Variants in PTPRN2 observed in about 807,000 individuals in gnomAD.
PTPRN2 encodes the protein receptor-type tyrosine-protein phosphatase N2.
Under a neutral mutation model 118.8 loss-of-function variants are expected in PTPRN2, and 74 were observed. The ratio of observed to expected loss-of-function variants is 0.62; its 90% CI spans 0.52 to 0.76. The LOEUF is 0.76. PTPRN2 is among the 30% of genes least tolerant of loss of function. The pLI, the probability that PTPRN2 is intolerant of heterozygous loss-of-function variation, is 0.00. For synonymous variants in PTPRN2, 641 were observed against 608.0 expected (o/e 1.05, Z -0.80); for missense variants, 1,481 against 1,394.4 (o/e 1.06, Z -0.99).
intron 2 of PTPRN2, among the ~76,000 whole-genome samples, chr7:158,408,963 T>C (rs1813804290): frequency 1.3e-5 from 2 of 150,608 alleles, no homozygotes; most frequent in Non-Finnish European, 2.9e-5. Flanking sequence ...CCATATTTGC[T>C]ATACATTCTA....
chr7:157,995,265 A>AAAATCAACGCCGTGTCCCCAGCTTACAG (rs1804634153), intron 11 of PTPRN2, among the ~76,000 whole-genome samples: 1 of 128,566 alleles, frequency 7.8e-6, no homozygotes, highest in African/African-American at 3.0e-5. Flanking sequence ...CCAGCTTACA[A>AAAATCAACGCCGTGTCCCCAGCTTACAG]CTCCTTGTTC....
At chr7:158,087,666 A>AAAG (rs1174723260) in intron 10 of PTPRN2, among the ~76,000 whole-genome samples, 25 of 145,954 alleles carry the variant, frequency 1.7e-4, no homozygotes, top group Non-Finnish European at 3.4e-4. Flanking sequence ...TCCCCTGATG[A>AAAG]AGGAGGGAGT....
chr7:158,503,583 C>T (rs1039268070), intron 1 of PTPRN2, among the ~76,000 whole-genome samples: 5 of 152,184 alleles, frequency 3.3e-5, no homozygotes, highest in East Asian at 3.8e-4. Context: ...GTAACAGTAC[C>T]GAACACTGAT....
chr7:158,575,363 A>G (rs1481342541), intron 1 of PTPRN2, among the ~76,000 whole-genome samples: 3 of 152,216 alleles, frequency 2.0e-5, no homozygotes, highest in Admixed American at 1.3e-4. Context: ...ACTTTTTAAC[A>G]TTTGCTATTG....
intron 12 of PTPRN2, among the ~76,000 whole-genome samples, chr7:157,847,035 G>A (rs1234431349): frequency 8.0e-6 from 1 of 124,586 alleles, no homozygotes; most frequent in South Asian, 2.6e-4. Context: ...ATCATGTGTG[G>A]CCGATGTTTA....
intron 9 of PTPRN2, among the ~76,000 whole-genome samples, chr7:158,129,346 AACAC>A (rs759245918): frequency 4.0e-5 from 6 of 148,676 alleles, no homozygotes; most frequent in Non-Finnish European, 7.5e-5. Context: ...CACTACACAT[AACAC>A]ACACCACACA....
rs527455035 is a variant in PTPRN2, at chr7:157,963,059, C to T, written c.1724-64322G>A. 1.6e-4 allele frequency among the ~76,000 whole-genome samples: 24 copies of T among 152,352 alleles called. No homozygotes were observed. The South Asian group carries it at 3.1e-3, about 20-fold the overall frequency. On this transcript the variant is annotated intron_variant, in intron 11 of 22. Coordinates refer to ENST00000389418, the MANE Select transcript of PTPRN2 (RefSeq NM_002847.5). ...CAGCATGCAGAGAAGCAAGTCCACA[C>T]GGCAGACACTCAGCCAGCGCAGCGC...
intron 2 of PTPRN2, among the ~76,000 whole-genome samples, chr7:158,481,487 TAG>T (rs1269524785): frequency 1.3e-5 from 2 of 152,204 alleles, no homozygotes; most frequent in Admixed American, 1.3e-4. Context: ...TATTTTGAGG[TAG>T]AGTCTTGCTC....
intron 1 of PTPRN2, among the ~76,000 whole-genome samples, chr7:158,548,095 A>G (rs73510564): frequency 0.049 from 7,486 of 152,252 alleles, 598 homozygotes; most frequent in African/African-American, 0.16. Flanking sequence ...GCTCAGACTC[A>G]AAGCGGCCAG....
chr7:158,019,609 A>C (rs895669505), intron 11 of PTPRN2, among the ~76,000 whole-genome samples: 2 of 152,242 alleles, frequency 1.3e-5, no homozygotes, highest in African/African-American at 4.8e-5. Flanking sequence ...ATTATTTTAA[A>C]TCAGCAGGAT....
Position 158,039,141 on chromosome 7 carries a change from T to C in PTPRN2, c.1723+42157A>G, listed in dbSNP as rs117563192. On this transcript the variant is annotated intron_variant, in intron 11 of 22. Coordinates refer to ENST00000389418, the MANE Select transcript of PTPRN2 (RefSeq NM_002847.5). ...ATGCATAAATTATACTGTAATACCA[T>C]GCCATAGTTACATATAAACTAGATC... Among the ~76,000 whole-genome samples the C allele has an allele frequency of 5.3e-5, 8 of 152,326 alleles. No homozygotes were observed. The East Asian group carries it at 9.6e-4, about 18-fold the overall frequency.
intron 12 of PTPRN2, among the ~76,000 whole-genome samples, chr7:157,846,398 C>T (rs1289701119): frequency 6.6e-6 from 1 of 152,074 alleles, no homozygotes; most frequent in East Asian, 1.9e-4. Flanking sequence ...TCTCTCAGGC[C>T]TCCAGGAAAT....
intron 14 of PTPRN2, among the ~76,000 whole-genome samples, chr7:157,653,680 G>C (rs1422765081): frequency 6.6e-6 from 1 of 152,140 alleles, no homozygotes. Context: ...GAGGGCACGG[G>C]AATGCACTTG....
chr7:157,750,221 G>A (rs56750622), intron 12 of PTPRN2, among the ~76,000 whole-genome samples: 1,641 of 152,212 alleles, frequency 0.011, 21 homozygotes, highest in African/African-American at 0.037. Context: ...GAGAATGCTC[G>A]ATTTAGAGAA....
chr7:157,934,927 A>G (rs1024863854), intron 11 of PTPRN2, among the ~76,000 whole-genome samples: 6 of 152,254 alleles, frequency 3.9e-5, no homozygotes, highest in Non-Finnish European at 7.3e-5. Flanking sequence ...TGCTGGAGAT[A>G]GAACTCTGGG....
At chr7:158,311,974 C>T (rs1285436317) in intron 3 of PTPRN2, among the ~76,000 whole-genome samples, 2 of 152,158 alleles carry the variant, frequency 1.3e-5, no homozygotes, top group Admixed American at 1.3e-4. Context: ...CTCACGTGCT[C>T]ACATGTAGAC....
At chr7:157,571,340 T>C in intron 20 of PTPRN2, 100 bp downstream of exon 20, 2 of 954,622 alleles carry the variant, frequency 2.1e-6, no homozygotes, top group Non-Finnish European at 3.2e-6. Flanking sequence ...CAGTTAGTTA[T>C]ATTTATTAAG....
At chr7:157,822,211 C>T (rs1025854054) in intron 12 of PTPRN2, among the ~76,000 whole-genome samples, 1 of 152,044 alleles carries the variant, frequency 6.6e-6, no homozygotes, top group Non-Finnish European at 1.5e-5. Flanking sequence ...CATCTATATA[C>T]GATCCATTAT....
intron 9 of PTPRN2, among the ~76,000 whole-genome samples, chr7:158,119,355 A>G (rs1816963786): frequency 6.6e-6 from 1 of 152,188 alleles, no homozygotes; most frequent in African/African-American, 2.4e-5. Context: ...TGGCCACTGT[A>G]AGAAGAAAAA....
Sources: gnomAD v4.1 joint callset for allele counts (sites outside exome capture counted in the v4.1 genomes callset) on GRCh38, gnomAD v4.1.1 for gene constraint, MANE v1.5 for transcripts, NCBI Gene and HGNC (gene_info 2026-07-23, HGNC 2026-07-21) for gene names.